Variants in TET2 observed in about 807,000 individuals in gnomAD.
The protein encoded by TET2 is tet methylcytosine dioxygenase 2.
In TET2, 299 loss-of-function variants were observed where a neutral mutation model predicts 142.9. That is an observed-to-expected ratio of 2.09 (90% CI 1.90 to 2.30). The LOEUF is 2.30. TET2 is among the 30% of genes most tolerant of loss of function. The pLI is 0.00. For missense variants in TET2, 2,418 were observed against 2,378.0 expected (o/e 1.02, Z -0.35); for synonymous variants, 819 against 849.0 (o/e 0.96, Z 0.61).
chr4:105,212,028 G>A (rs1401531097), intron 2 of TET2, among the ~76,000 whole-genome samples: 1 of 152,196 alleles, frequency 6.6e-6, no homozygotes, highest in East Asian at 1.9e-4. Context: ...GGAATGAGGC[G>A]TGAATAAGCA....
intron 9 of TET2, among the ~76,000 whole-genome samples, chr4:105,272,287 T>G (rs540341581): frequency 6.6e-6 from 1 of 152,270 alleles, no homozygotes; most frequent in Non-Finnish European, 1.5e-5. Flanking sequence ...GACAGAAACA[T>G]ATGTGAAGAA....
At chr4:105,267,664 A>C (rs565885898) in intron 8 of TET2, among the ~76,000 whole-genome samples, 1 of 151,910 alleles carries the variant, frequency 6.6e-6, no homozygotes, top group Non-Finnish European at 1.5e-5. Context: ...AACAAATAGC[A>C]AGATGGTTTA....
At position 105,229,516 on chromosome 4, in the gene TET2, GGC is replaced by G. The variant is rs550358903; in HGVS notation, c.-46-4380_-46-4379del. ...AGTAGTGGCGGTGTTTGACCACGTT[GGC>G]CAAGATGGTCTCGATCTCTTGACCT... On this transcript the variant is annotated intron_variant, in intron 2 of 10. Coordinates refer to ENST00000380013, the MANE Select transcript of TET2 (RefSeq NM_001127208.3). Among the ~76,000 whole-genome samples the G allele has an allele frequency of 4.4e-3, 661 of 151,928 alleles. 4 individuals carry two copies. Among genetic ancestry groups the G allele is most frequent in the Admixed American group, 0.015 (231 of 15,252 alleles).
chr4:105,198,944 T>A (rs552282231), intron 2 of TET2, among the ~76,000 whole-genome samples: 2 of 152,066 alleles, frequency 1.3e-5, no homozygotes, highest in Non-Finnish European at 2.9e-5. Flanking sequence ...ATACTTACAT[T>A]TTTTTTTCAC....
At chr4:105,146,561 G>C (rs1723025547), upstream of TET2, 1 of 152,730 alleles carries the variant, frequency 6.5e-6, no homozygotes, top group Non-Finnish European at 1.5e-5. Flanking sequence ...CCCGGTGCGG[G>C]GGGCTAATTC....
intron 9 of TET2, among the ~76,000 whole-genome samples, chr4:105,270,803 T>C (rs1169912435): frequency 6.6e-6 from 1 of 152,056 alleles, no homozygotes; most frequent in Non-Finnish European, 1.5e-5. Flanking sequence ...TATGAATCAA[T>C]CAACCTAATG....
chr4:105,223,875 C>T (rs1728010354), intron 2 of TET2, among the ~76,000 whole-genome samples: 1 of 152,030 alleles, frequency 6.6e-6, no homozygotes. Flanking sequence ...AAACACAGTG[C>T]CTTTAGCAGA....
intron 3 of TET2, chr4:105,237,578 C>T: frequency 6.7e-7 from 1 of 1,481,590 alleles, no homozygotes; most frequent in Admixed American, 2.7e-5. Flanking sequence ...AATAATCGTG[C>T]ATGTTTATTT....
At chr4:105,240,165 A>G (rs1257981882) in intron 3 of TET2, 1 of 236,768 alleles carries the variant, frequency 4.2e-6, no homozygotes, top group Non-Finnish European at 8.9e-6. Flanking sequence ...AATTACCAAA[A>G]TGTGATACAG....
chr4:105,204,259 A>ACACACACT (rs1382649373), intron 2 of TET2, among the ~76,000 whole-genome samples: 2 of 143,736 alleles, frequency 1.4e-5, no homozygotes, highest in African/African-American at 5.8e-5. Context: ...ACACACACAC[A>ACACACACT]CACACACACA....
intron 3 of TET2, chr4:105,239,399 A>G (rs1381533133): frequency 1.2e-5 from 3 of 240,406 alleles, no homozygotes; most frequent in Non-Finnish European, 2.6e-5. Context: ...CACCTTCATC[A>G]GTGATCTTAG....
rs892058141 is a variant in TET2, at chr4:105,243,619, A to T, written c.3644A>T (p.Glu1215Val). The change falls in exon 6 of 11, where the codon GAG (glutamate) becomes GTG (valine). Residue 1215 changes from glutamate to valine, a missense_variant. By Grantham distance (121) the Glu-to-Val change is moderately radical. Coordinates refer to ENST00000380013, the MANE Select transcript of TET2 (RefSeq NM_001127208.3). ...SEEKLLCLVR[E>V]RAGHTCEAAV... Reference sequence around the variant, plus strand: ...GAGAAGCTACTGTGTTTGGTGCGGGAGCGAGCTGGCCACACCTGTGAGGCT... The same window carrying T: ...GAGAAGCTACTGTGTTTGGTGCGGGTGCGAGCTGGCCACACCTGTGAGGCT... 4.5e-6 allele frequency: 7 copies of T among 1,551,450 alleles called. No individual in the cohort carries two copies. Among genetic ancestry groups the T allele is most frequent in the Admixed American group, 2.0e-5 (1 of 50,964 alleles).
chr4:105,254,791 A>G (rs1202847053), intron 6 of TET2, among the ~76,000 whole-genome samples: 1 of 152,210 alleles, frequency 6.6e-6, no homozygotes, highest in Admixed American at 6.5e-5. Context: ...CTATGGAAGC[A>G]TGAAGGGATT....
Position 105,276,876 on chromosome 4 carries a change from A to G in TET2, c.*357A>G, listed in dbSNP as rs1731254748. On this transcript the variant is annotated 3_prime_UTR_variant, in exon 11 of 11. Transcript: ENST00000380013. ...CTTACAACTCTACACATCTGTGACCACTTTTAATAATATCAAGTTTGCATA... is the reference window on the plus strand; with the variant it reads ...CTTACAACTCTACACATCTGTGACCGCTTTTAATAATATCAAGTTTGCATA... 5.7e-6 allele frequency: 1 copy of G among 176,496 alleles called. No individual in the cohort carries two copies. The highest frequency in any genetic ancestry group is 1.1e-5 in the Non-Finnish European group (1 of 94,450). The allele number at this position is 176,496 out of a possible 1,614,324, so 10.9% of individuals were successfully genotyped here.
chr4:105,257,113 G>GTTTCTC (rs2110280247), intron 6 of TET2, among the ~76,000 whole-genome samples: 1 of 152,136 alleles, frequency 6.6e-6, no homozygotes, highest in East Asian at 1.9e-4. Flanking sequence ...CTTTGTTTCT[G>GTTTCTC]TTTCTCTTAA....
At chr4:105,225,179 A>C (rs1728108102) in intron 2 of TET2, among the ~76,000 whole-genome samples, 1 of 65,878 alleles carries the variant, frequency 1.5e-5, no homozygotes, top group Admixed American at 1.2e-4. Context: ...CCATATAGTA[A>C]AAAATCGTGT....
At chr4:105,220,124 C>T (rs879385334) in intron 2 of TET2, among the ~76,000 whole-genome samples, 1 of 152,102 alleles carries the variant, frequency 6.6e-6, no homozygotes, top group African/African-American at 2.4e-5. Context: ...ATTTTTATAA[C>T]TCTACCAGTG....
chr4:105,266,950 A>G (rs1730708568), intron 8 of TET2, among the ~76,000 whole-genome samples: 1 of 152,076 alleles, frequency 6.6e-6, no homozygotes, highest in East Asian at 1.9e-4. Context: ...TTTATAATCA[A>G]CTTGCTTACA....
At chr4:105,228,077 G>A (rs1357333522) in intron 2 of TET2, among the ~76,000 whole-genome samples, 1 of 152,054 alleles carries the variant, frequency 6.6e-6, no homozygotes, top group East Asian at 1.9e-4. Context: ...ATCAACATCA[G>A]TATGCAAGCA....
Sources: gnomAD v4.1 joint callset for allele counts (sites outside exome capture counted in the v4.1 genomes callset) on GRCh38, gnomAD v4.1.1 for gene constraint, MANE v1.5 for transcripts, NCBI Gene and HGNC (gene_info 2026-07-23, HGNC 2026-07-21) for gene names.